The following GAS7 variants were observed in gnomAD, a reference collection of about 807,000 sequenced individuals.
GAS7 encodes growth arrest specific 7.
GAS7 carries 28 observed loss-of-function variants against 71.1 expected under a neutral mutation model. The ratio of observed to expected loss-of-function variants is 0.39; its 90% CI spans 0.29 to 0.54. GAS7 has a LOEUF of 0.54. Among genes scored for constraint, GAS7 ranks in the 20% least tolerant of loss-of-function variants. The pLI, the probability that GAS7 is intolerant of heterozygous loss-of-function variation, is 0.62. For synonymous variants in GAS7, 258 were observed against 245.8 expected, an observed-to-expected ratio of 1.05 and a Z score of -0.46; for missense variants, 436 against 627.8, an observed-to-expected ratio of 0.69 and a Z score of 3.27.
chr17:10,126,442 ACG>A lies in GAS7; in HGVS notation c.183+71764_183+71765del, dbSNP rs779135003. Among the ~76,000 whole-genome samples, 967 of 151,238 alleles carry A rather than the reference ACG, an allele frequency of 6.4e-3. 7 individuals are homozygous for A. Among genetic ancestry groups the A allele is most frequent in the African/African-American group, 0.016 (662 of 41,226 alleles). Reference sequence around the variant, plus strand: ...CACACACAAACACGCAGATGCACACACGCGCGCGCGCACACGCACTCATGCAC... The same window carrying A: ...CACACACAAACACGCAGATGCACACACGCGCGCGCACACGCACTCATGCAC... On this transcript the variant is annotated intron_variant, in intron 1 of 13. Transcript: ENST00000432992.
intron 1 of GAS7, among the ~76,000 whole-genome samples, chr17:10,027,959 C>T (rs2152216138): frequency 6.6e-6 from 1 of 152,384 alleles, no homozygotes; most frequent in African/African-American, 2.4e-5. Context: ...TCTCGGCTCA[C>T]TACAACCTCC....
intron 1 of GAS7, chr17:10,036,815 G>A: frequency 1.1e-6 from 1 of 943,112 alleles, no homozygotes; most frequent in Non-Finnish European, 1.3e-6. Context: ...GTTGGCTGAG[G>A]TCACAACAAA....
intron 1 of GAS7, among the ~76,000 whole-genome samples, chr17:10,129,249 C>T (rs527434475): frequency 6.6e-6 from 1 of 152,292 alleles, no homozygotes; most frequent in East Asian, 1.9e-4. Flanking sequence ...CTAGAACACT[C>T]TTGGCCAGGC....
rs142195949 is a variant in GAS7 at position 9,929,086 on chromosome 17, C to T, written c.886-2317G>A. ...ATGCTACAAAAATCTTGAGAGCTTA[C>T]GAGAATAAATAAACCCCTTTCCCAC... is the stretch of plus-strand genomic sequence containing the variant. On this transcript the variant is annotated intron_variant, in intron 9 of 13. Coordinates refer to ENST00000432992, the MANE Select transcript of GAS7 (RefSeq NM_201433.2). Among the ~76,000 whole-genome samples the T allele has an allele frequency of 1.9e-3, 294 of 152,216 alleles. 2 individuals carry two copies. The highest frequency in any genetic ancestry group is 6.4e-3 in the African/African-American group (266 of 41,500).
chr17:9,989,663 G>A (rs1567861168), intron 2 of GAS7, among the ~76,000 whole-genome samples: 1 of 152,128 alleles, frequency 6.6e-6, no homozygotes, highest in East Asian at 1.9e-4. Context: ...GCAAGGAAGG[G>A]GGATAGAAAG....
rs911444657 is a variant in GAS7 at position 10,124,135 on chromosome 17, C to T, written c.183+74073G>A. Among the ~76,000 whole-genome samples the T allele has an allele frequency of 3.2e-4, 48 of 152,226 alleles. 1 individual carries two copies. The highest frequency in any genetic ancestry group is 8.7e-4 in the African/African-American group (36 of 41,460). ...GAGGAGGCGGAGTGGGAAACAGAGC[C>T]GCCACTGTGCCTGGGCGGGCTCCCC... On this transcript the variant is annotated intron_variant, in intron 1 of 13. Coordinates refer to ENST00000432992, the MANE Select transcript of GAS7 (RefSeq NM_201433.2).
intron 1 of GAS7, among the ~76,000 whole-genome samples, chr17:10,041,059 G>A (rs1192896056): frequency 6.6e-6 from 1 of 151,946 alleles, no homozygotes; most frequent in East Asian, 1.9e-4. Context: ...CTACCAGGGA[G>A]GCTGAGACAG....
chr17:10,003,093 C>T (rs560872128), intron 2 of GAS7, among the ~76,000 whole-genome samples: 17 of 152,340 alleles, frequency 1.1e-4, no homozygotes, highest in Non-Finnish European at 2.2e-4. Flanking sequence ...TTGTGGGACA[C>T]AACTCAACCC....
intron 1 of GAS7, among the ~76,000 whole-genome samples, chr17:10,162,431 T>TC (rs1555538713): frequency 6.6e-6 from 1 of 152,218 alleles, no homozygotes; most frequent in African/African-American, 2.4e-5. Flanking sequence ...TCAAGTTTCC[T>TC]GGGTCCCCCC....
intron 2 of GAS7, among the ~76,000 whole-genome samples, chr17:9,985,079 C>T (rs1346539153): frequency 1.3e-5 from 2 of 152,184 alleles, no homozygotes; most frequent in East Asian, 1.9e-4. Flanking sequence ...TCACCAGCTC[C>T]ACCCTATGTC....
chr17:9,938,933 C>T (rs1273490102), intron 8 of GAS7, among the ~76,000 whole-genome samples: 1 of 152,200 alleles, frequency 6.6e-6, no homozygotes, highest in African/African-American at 2.4e-5. Context: ...CTCATCCACA[C>T]AGTAGCATGT....
rs190557913 is a variant in GAS7, at chr17:10,086,887, G to A, written c.184-66990C>T. On this transcript the variant is annotated intron_variant, in intron 1 of 13. Coordinates refer to ENST00000432992, the MANE Select transcript of GAS7 (RefSeq NM_201433.2). The stretch of plus-strand genomic sequence containing the variant: ...GAGCTGAGGTCAGGGCAGAAGAGCC[G>A]TGTCATACAAGCCAAAGCAACCCCA... Among the ~76,000 whole-genome samples, 13 of 152,286 alleles carry A rather than the reference G, an allele frequency of 8.5e-5. No individual in the cohort carries two copies. The East Asian group carries it at 1.9e-3, about 23-fold the overall frequency.
At chr17:9,920,940 C>G (rs1277724042) in intron 11 of GAS7, among the ~76,000 whole-genome samples, 2 of 152,142 alleles carry the variant, frequency 1.3e-5, no homozygotes, top group African/African-American at 4.8e-5. Context: ...TCAAAGAGAA[C>G]AGGGAAGGTT....
intron 1 of GAS7, among the ~76,000 whole-genome samples, chr17:10,144,192 G>A (rs929228918): frequency 6.6e-6 from 1 of 152,172 alleles, no homozygotes; most frequent in Non-Finnish European, 1.5e-5. Context: ...TCCCCTTTGG[G>A]GTCCTGTTCA....
At chr17:10,174,047 G>A (rs2074354061) in intron 1 of GAS7, among the ~76,000 whole-genome samples, 4 of 152,190 alleles carry the variant, frequency 2.6e-5, no homozygotes, top group Admixed American at 2.0e-4. Flanking sequence ...ATATGAATAA[G>A]TGAATAACAT....
chr17:10,000,350 T>C (rs550857374), intron 2 of GAS7, among the ~76,000 whole-genome samples: 1 of 152,334 alleles, frequency 6.6e-6, no homozygotes, highest in South Asian at 2.1e-4. Flanking sequence ...GGGTTTTCTC[T>C]GCACCAGGTG....
intron 1 of GAS7, among the ~76,000 whole-genome samples, chr17:10,126,416 G>T (rs574281775): frequency 1.4e-5 from 2 of 146,172 alleles, no homozygotes; most frequent in African/African-American, 5.1e-5. Context: ...GTGCAAACAC[G>T]CACACACAAA....
chr17:9,951,446 A>T (rs999193045), intron 5 of GAS7, among the ~76,000 whole-genome samples: 1 of 151,572 alleles, frequency 6.6e-6, no homozygotes, highest in East Asian at 1.9e-4. Flanking sequence ...TGTCGGGGAA[A>T]CACTTCCCTA....
rs17208394 is a variant in GAS7 at position 10,055,028 on chromosome 17, A to C, written c.184-35131T>G. Among the ~76,000 whole-genome samples the C allele has an allele frequency of 6.1e-3, 933 of 152,310 alleles. 25 individuals are homozygous for C. In the East Asian group the frequency reaches 0.1, roughly 16 times the overall value. On this transcript the variant is annotated intron_variant, in intron 1 of 13. Transcript: ENST00000432992. ...TGAAACAGGTTAAGGAATGAGGCAA[A>C]CACCACCAGGAGAAAGCAGTCAGGG...
Sources: gnomAD v4.1 joint callset for allele counts (sites outside exome capture counted in the v4.1 genomes callset) on GRCh38, gnomAD v4.1.1 for gene constraint, MANE v1.5 for transcripts, NCBI Gene and HGNC (gene_info 2026-07-23, HGNC 2026-07-21) for gene names.